Variants in SNTG1 observed in about 807,000 individuals in gnomAD.
SNTG1 encodes gamma-1-syntrophin.
SNTG1 carries 39 observed loss-of-function variants against 74.7 expected under a neutral mutation model. That is an observed-to-expected ratio of 0.52 (90% CI 0.40 to 0.68). SNTG1 has a LOEUF of 0.68. Ranked by LOEUF, SNTG1 falls within the 30% of genes least tolerant of loss-of-function variation. The probability of loss-of-function intolerance (pLI) is 0.00; values close to 1 mark genes in which losing one functional copy is unlikely to be tolerated. For missense variants in SNTG1, 685 were observed against 609.5 expected (o/e 1.12, Z -1.30); for synonymous variants, 254 against 217.1 (o/e 1.17, Z -1.49).
intron 1 of SNTG1, among the ~76,000 whole-genome samples, chr8:50,158,831 G>A (rs551726384): frequency 1.4e-4 from 22 of 152,042 alleles, no homozygotes; most frequent in Middle Eastern, 6.8e-3. Flanking sequence ...GTTTTTTAAG[G>A]GTATATATCT....
intron 1 of SNTG1, among the ~76,000 whole-genome samples, chr8:49,973,129 G>C (rs1361573717): frequency 6.6e-6 from 1 of 152,112 alleles, no homozygotes; most frequent in Non-Finnish European, 1.5e-5. Flanking sequence ...GTCCAACAAT[G>C]ATAGACTGGA....
chr8:50,062,191 A>ATGTCACC (rs1820533515), intron 1 of SNTG1, among the ~76,000 whole-genome samples: 2 of 151,888 alleles, frequency 1.3e-5, no homozygotes, highest in African/African-American at 4.8e-5. Flanking sequence ...GTATAGGTGC[A>ATGTCACC]TGTCACCACT....
chr8:50,422,213 G>T (rs892975700), intron 4 of SNTG1, among the ~76,000 whole-genome samples: 1 of 151,860 alleles, frequency 6.6e-6, no homozygotes, highest in Admixed American at 6.6e-5. Flanking sequence ...ATATTTTGGG[G>T]TAAAATATTT....
chr8:50,102,129 G>A (rs62515424), intron 1 of SNTG1, among the ~76,000 whole-genome samples: 125,133 of 145,488 alleles, frequency 0.86, 53,898 homozygotes, highest in East Asian at 0.98. Context: ...CTGAGGAATC[G>A]CCACACTGAC....
rs187683242 is a variant in SNTG1, at chr8:49,984,457, G to A, written c.-103+72226G>A. Among the ~76,000 whole-genome samples, 11 of 152,110 alleles carry A rather than the reference G, an allele frequency of 7.2e-5. No individual in the cohort carries two copies. In the East Asian group the frequency reaches 7.7e-4, roughly 11 times the overall value. On this transcript the variant is annotated intron_variant, in intron 1 of 18. Coordinates refer to ENST00000642720, the MANE Select transcript of SNTG1 (RefSeq NM_018967.5). ...TGACCTCAGGTAATCCGCCCACCTC[G>A]GCCTCCCAAAGTGCTGGGATTATAG...
chr8:50,591,454 T>C (rs560664008), intron 13 of SNTG1, among the ~76,000 whole-genome samples: 1 of 152,324 alleles, frequency 6.6e-6, no homozygotes, highest in Admixed American at 6.5e-5. Context: ...AAATTAATTT[T>C]AATGATAAAA....
chr8:50,034,622 G>A (rs28468445), intron 1 of SNTG1, among the ~76,000 whole-genome samples: 3,450 of 152,076 alleles, frequency 0.023, 142 homozygotes, highest in African/African-American at 0.077. Flanking sequence ...CTAGTGCAAG[G>A]GTGTCCAATA....
chr8:49,921,590 T>G (rs1366982965), intron 1 of SNTG1, among the ~76,000 whole-genome samples: 1 of 152,152 alleles, frequency 6.6e-6, no homozygotes, highest in Admixed American at 6.6e-5. Context: ...TTGCTTCCGG[T>G]TTACAGCCTG....
chr8:50,220,361 C>T (rs1160728122), intron 2 of SNTG1, among the ~76,000 whole-genome samples: 1 of 151,982 alleles, frequency 6.6e-6, no homozygotes, highest in Non-Finnish European at 1.5e-5. Flanking sequence ...ATATATTGTT[C>T]TGAAAAATAT....
At chr8:50,417,749 G>C (rs545398295) in intron 4 of SNTG1, among the ~76,000 whole-genome samples, 27 of 152,164 alleles carry the variant, frequency 1.8e-4, no homozygotes, top group African/African-American at 6.5e-4. Flanking sequence ...CTGAGAAAAT[G>C]AAGCCGAGAA....
chr8:50,055,037 T>C (rs1819908818), intron 1 of SNTG1, among the ~76,000 whole-genome samples: 2 of 152,088 alleles, frequency 1.3e-5, no homozygotes, highest in Admixed American at 1.3e-4. Context: ...CACCCTGCCC[T>C]TTCTTAAATT....
At chr8:50,760,197 T>C (rs1170442823) in intron 18 of SNTG1, among the ~76,000 whole-genome samples, 1 of 152,142 alleles carries the variant, frequency 6.6e-6, no homozygotes, top group Non-Finnish European at 1.5e-5. Flanking sequence ...TTATTTTGTA[T>C]CCTGAGACTT....
intron 18 of SNTG1, among the ~76,000 whole-genome samples, chr8:50,788,783 G>A (rs6473380): frequency 0.092 from 13,991 of 151,912 alleles, 1,895 homozygotes; most frequent in African/African-American, 0.3. Flanking sequence ...ATGAAGCAAA[G>A]CTACACACTA....
intron 12 of SNTG1, among the ~76,000 whole-genome samples, chr8:50,576,641 A>G (rs895573716): frequency 6.6e-6 from 1 of 152,030 alleles, no homozygotes; most frequent in African/African-American, 2.4e-5. Context: ...TTTTTAAGAA[A>G]TGTTTTGTAG....
At chr8:50,281,387 T>C (rs2088445372) in intron 2 of SNTG1, among the ~76,000 whole-genome samples, 1 of 152,168 alleles carries the variant, frequency 6.6e-6, no homozygotes, top group Non-Finnish European at 1.5e-5. Flanking sequence ...ATTCAGTTAG[T>C]AGGAGGACTT....
At chr8:50,084,173 T>C (rs992095481) in intron 1 of SNTG1, among the ~76,000 whole-genome samples, 1 of 151,974 alleles carries the variant, frequency 6.6e-6, no homozygotes, top group African/African-American at 2.4e-5. Flanking sequence ...AAGTAAACTG[T>C]AAAACTGGCC....
At chr8:49,976,002 GTTATTC>G (rs1250886794) in intron 1 of SNTG1, among the ~76,000 whole-genome samples, 3 of 152,032 alleles carry the variant, frequency 2.0e-5, no homozygotes, top group Non-Finnish European at 4.4e-5. Flanking sequence ...CCCTGAGTTA[GTTATTC>G]TTATTTTTAT....
intron 8 of SNTG1, among the ~76,000 whole-genome samples, chr8:50,464,712 C>T (rs2093594358): frequency 6.6e-6 from 1 of 151,908 alleles, no homozygotes; most frequent in South Asian, 2.1e-4. Context: ...GCACTCTAGC[C>T]TGGGTGACAG....
intron 2 of SNTG1, among the ~76,000 whole-genome samples, chr8:50,284,041 A>G (rs2088623004): frequency 6.6e-6 from 1 of 152,078 alleles, no homozygotes; most frequent in African/African-American, 2.4e-5. Flanking sequence ...GTCCCAGTCC[A>G]CGATGCCTTC....
Sources: allele counts gnomAD v4.1 joint callset (sites outside exome capture counted in the v4.1 genomes callset), GRCh38; gene constraint gnomAD v4.1.1; transcripts MANE v1.5; gene names NCBI Gene and HGNC (gene_info 2026-07-23, HGNC 2026-07-21).